Variants in ZFHX3 observed in about 807,000 individuals in gnomAD.
ZFHX3 encodes the protein zinc finger homeobox protein 3.
In ZFHX3, 42 loss-of-function variants were observed where a neutral mutation model predicts 279.1. That is an observed-to-expected ratio of 0.15 (90% confidence interval 0.12 to 0.19). The LOEUF (loss-of-function observed/expected upper bound fraction) is 0.19, where lower values mean the gene tolerates loss of function less well. Ranked by LOEUF, ZFHX3 falls within the 10% of genes least tolerant of loss-of-function variation. The pLI is 1.00. For missense variants in ZFHX3, 4,981 were observed against 4,754.0 expected (o/e 1.05, Z -1.40); for synonymous variants, 2,293 against 1,957.8 (o/e 1.17, Z -4.52).
intron 4 of ZFHX3, among the ~76,000 whole-genome samples, chr16:72,862,913 T>C (rs976075060): frequency 6.6e-6 from 1 of 152,090 alleles, no homozygotes; most frequent in African/African-American, 2.4e-5. Context: ...GTGAACACCA[T>C]GTTGGCATCT....
At chr16:73,053,493 G>A (rs1476844765) in intron 1 of ZFHX3, among the ~76,000 whole-genome samples, 1 of 152,150 alleles carries the variant, frequency 6.6e-6, no homozygotes. Context: ...TGGGGGCATG[G>A]AGAAGTGGAC....
intron 7 of ZFHX3, chr16:73,127,309 A>G: frequency 7.8e-7 from 1 of 1,284,590 alleles, no homozygotes; most frequent in Non-Finnish European, 1.0e-6. Flanking sequence ...GAAGAAGGAA[A>G]CAGCCTTCGC....
At chr16:73,280,089 C>T (rs1210934037) in intron 4 of ZFHX3, among the ~76,000 whole-genome samples, 1 of 151,964 alleles carries the variant, frequency 6.6e-6, no homozygotes, top group East Asian at 1.9e-4. Context: ...GAAATTGGAC[C>T]CCTGTTGGAC....
chr16:73,007,509 C>T (rs1411553898), intron 1 of ZFHX3, among the ~76,000 whole-genome samples: 2 of 152,078 alleles, frequency 1.3e-5, no homozygotes, highest in African/African-American at 4.8e-5. Flanking sequence ...TGCAGTGGTG[C>T]GATCTCGGCT....
chr16:73,105,895 C>A (rs1041722339), intron 7 of ZFHX3, among the ~76,000 whole-genome samples: 1 of 151,640 alleles, frequency 6.6e-6, no homozygotes, highest in Non-Finnish European at 1.5e-5. Flanking sequence ...TTTCTTTCAC[C>A]CCCGCATCTC....
chr16:73,252,842 A>T (rs1273660656), intron 5 of ZFHX3, among the ~76,000 whole-genome samples: 2 of 152,198 alleles, frequency 1.3e-5, no homozygotes, highest in Admixed American at 1.3e-4. Context: ...GAGAGAAAGA[A>T]AATGCATGAG....
rs1407656017 is a variant in ZFHX3 at position 72,950,826 on chromosome 16, G to C, written c.2859C>G (p.Phe953Leu). ...KLFQCAVCNK[F>L]TTDNLDMLGL... ...CCAGCATGTCCAGGTTGTCCGTCGT[G>C]AACTTGTTGCAGACGGCGCACTGGA... is the stretch of plus-strand genomic sequence containing the variant. The change falls in exon 3 of 10, where the codon TTC becomes TTG. Residue 953 changes from phenylalanine (F) to leucine (L), a missense_variant. By Grantham distance (22) the Phe-to-Leu change is conservative. Coordinates refer to ENST00000268489, the MANE Select transcript of ZFHX3 (RefSeq NM_006885.4). 11 of 1,614,196 alleles carry C rather than the reference G, an allele frequency of 6.8e-6. No homozygotes were observed. The East Asian group carries it at 2.0e-4, about 29-fold the overall frequency.
At position 73,016,712 on chromosome 16, in the gene ZFHX3, T is replaced by C. The variant is rs569763454; in HGVS notation, c.-50+31040A>G. ...CTCCAGTAATTTCCTCCTCTTCTAT[T>C]TGAATGTCCATTTACAGCCTCTCTG... is the stretch of plus-strand genomic sequence containing the variant. On this transcript the variant is annotated intron_variant, in intron 1 of 9. Transcript: ENST00000268489. Among the ~76,000 whole-genome samples the C allele has an allele frequency of 7.2e-5, 11 of 152,170 alleles. No homozygotes were observed. The South Asian group carries it at 1.2e-3, about 17-fold the overall frequency.
chr16:73,759,880 GA>G (rs5817876), intron 1 of ZFHX3, among the ~76,000 whole-genome samples: 110,263 of 145,890 alleles, frequency 0.76, 41,829 homozygotes, highest in Non-Finnish European at 0.79. Context: ...GGTCTTACAG[GA>G]AAAAAAAAAA....
intron 3 of ZFHX3, chr16:73,401,406 A>ACACACACACACACACACACACC (rs374561909): frequency 4.0e-5 from 6 of 149,250 alleles, no homozygotes; most frequent in South Asian, 4.4e-4. Context: ...ACACACACAC[A>ACACACACACACACACACACACC]CCTCAAAAGC....
chr16:73,810,005 T>C (rs754870298), intron 1 of ZFHX3, among the ~76,000 whole-genome samples: 12 of 152,170 alleles, frequency 7.9e-5, no homozygotes, highest in Non-Finnish European at 1.5e-4. Context: ...TCCTCAGCCT[T>C]TGCACCAAAG....
At chr16:73,687,406 G>A (rs1045587617) in intron 1 of ZFHX3, among the ~76,000 whole-genome samples, 7 of 150,992 alleles carry the variant, frequency 4.6e-5, no homozygotes, top group Non-Finnish European at 5.9e-5. Flanking sequence ...GTTTCCAAAC[G>A]ATGGGTCATT....
In ZFHX3 at chr16:73,088,798, CAAG is replaced by C. The variant is rs555801208; in HGVS notation, c.-533+4434_-533+4436del. Among the ~76,000 whole-genome samples, 8 of 152,300 alleles carry C rather than the reference CAAG, an allele frequency of 5.3e-5. 1 individual carries two copies. In the South Asian group the frequency reaches 1.5e-3, roughly 28 times the overall value. On this transcript the variant is annotated intron_variant, in intron 8 of 17. Coordinates refer to the ZFHX3 transcript ENST00000641206. Reference sequence around the variant, plus strand: ...CCACTGACAGGAGCTCATCTTATCACAAGAAGTCTGGTCTTCTAACCTCATAGT... The same window carrying C: ...CCACTGACAGGAGCTCATCTTATCACAAGTCTGGTCTTCTAACCTCATAGT...
At chr16:73,461,167 T>C (rs2018464364) in intron 2 of ZFHX3, among the ~76,000 whole-genome samples, 1 of 152,220 alleles carries the variant, frequency 6.6e-6, no homozygotes, top group Non-Finnish European at 1.5e-5. Flanking sequence ...ATGTTGAACA[T>C]TTTTCCATGT....
At chr16:73,386,938 C>G (rs929253497) in intron 3 of ZFHX3, 1 of 152,086 alleles carries the variant, frequency 6.6e-6, no homozygotes, top group Admixed American at 6.5e-5. Context: ...AGTGATCTCC[C>G]TCGCATAACC....
At chr16:73,093,285 A>G in exon 8 of ZFHX3, 1 of 472,144 alleles carries the variant, frequency 2.1e-6, no homozygotes, top group Non-Finnish European at 4.2e-6. Context: ...CCCTTTGCAC[A>G]TCGTGTTTGG....
intron 1 of ZFHX3, among the ~76,000 whole-genome samples, chr16:73,024,191 G>A (rs1375136603): frequency 6.6e-6 from 1 of 152,172 alleles, no homozygotes; most frequent in Non-Finnish European, 1.5e-5. Flanking sequence ...TGAAAGAAAT[G>A]AAATAGCTGG....
At chr16:73,455,330 T>C (rs1486360469) in intron 3 of ZFHX3, among the ~76,000 whole-genome samples, 1 of 152,202 alleles carries the variant, frequency 6.6e-6, no homozygotes, top group Non-Finnish European at 1.5e-5. Flanking sequence ...ATAGAGATCA[T>C]TCATCCAGTT....
chr16:73,455,301 T>C lies in ZFHX3; in HGVS notation c.-1291+702A>G, dbSNP rs2018352550. Among the ~76,000 whole-genome samples the C allele has an allele frequency of 2.0e-5, 3 of 152,130 alleles. No homozygotes were observed. In the South Asian group the frequency reaches 6.2e-4, roughly 32 times the overall value. On this transcript the variant is annotated intron_variant, in intron 3 of 17. Coordinates refer to the ZFHX3 transcript ENST00000641206. Reference sequence around the variant, plus strand: ...TTGCATTCTCAGAGTTTGGAAAAAGTGGAAAATTGATTGCGAGAATAGAGA... The same window carrying C: ...TTGCATTCTCAGAGTTTGGAAAAAGCGGAAAATTGATTGCGAGAATAGAGA...
Sources: allele counts gnomAD v4.1 joint callset (sites outside exome capture counted in the v4.1 genomes callset), GRCh38; gene constraint gnomAD v4.1.1; transcripts MANE v1.5; gene names NCBI Gene and HGNC (gene_info 2026-07-23, HGNC 2026-07-21).